Variants in PEX14 observed in about 807,000 individuals in gnomAD.
The protein encoded by PEX14 is peroxisomal biogenesis factor 14.
PEX14 carries 15 observed loss-of-function variants against 49.5 expected under a neutral mutation model. The ratio of observed to expected loss-of-function variants is 0.30; its 90% CI spans 0.20 to 0.47. PEX14 has a LOEUF of 0.47. PEX14 is among the 20% of genes least tolerant of loss of function. The pLI is 1.00. For synonymous variants in PEX14, 210 were observed against 212.7 expected, an observed-to-expected ratio of 0.99 and a Z score of 0.11; for missense variants, 398 against 494.8, an observed-to-expected ratio of 0.80 and a Z score of 1.86.
chr1:10,513,779 G>A (rs780313760), intron 2 of PEX14, among the ~76,000 whole-genome samples: 3 of 152,276 alleles, frequency 2.0e-5, no homozygotes, highest in South Asian at 2.1e-4. Context: ...CTATAGGGAC[G>A]TTTCTATTTT....
intron 3 of PEX14, among the ~76,000 whole-genome samples, chr1:10,545,283 A>G (rs1339907060): frequency 6.6e-6 from 1 of 152,228 alleles, no homozygotes; most frequent in Non-Finnish European, 1.5e-5. Flanking sequence ...TATTAAAAAT[A>G]AAGGTGCTGT....
intron 3 of PEX14, among the ~76,000 whole-genome samples, chr1:10,594,616 G>A (rs1442118489): frequency 6.6e-6 from 1 of 152,212 alleles, no homozygotes; most frequent in Non-Finnish European, 1.5e-5. Context: ...GAAAGATGAA[G>A]AGAACACTGC....
chr1:10,612,701 G>A (rs144327750), intron 4 of PEX14, among the ~76,000 whole-genome samples: 4 of 152,342 alleles, frequency 2.6e-5, no homozygotes, highest in African/African-American at 9.6e-5. Context: ...GCCCAGCCAG[G>A]TCCCCGTCTC....
At position 10,599,458 on chromosome 1, in the gene PEX14, A is replaced by T. The variant is rs34711287; in HGVS notation, c.298+92A>T. On this transcript the variant is annotated intron_variant, in intron 4 of 8. Coordinates refer to ENST00000356607, the MANE Select transcript of PEX14 (RefSeq NM_004565.3). ...GTTCTGTATCTCCCAGACTTAGCAAACCAGGAGAAACTGGGAGCAGCAGAA... is the reference window on the plus strand; with the variant it reads ...GTTCTGTATCTCCCAGACTTAGCAATCCAGGAGAAACTGGGAGCAGCAGAA... 7.6e-3 allele frequency: 10,840 copies of T among 1,426,876 alleles called. 61 individuals carry two copies. Among genetic ancestry groups the T allele is most frequent in the Non-Finnish European group, 8.2e-3 (8,327 of 1,011,436 alleles). 88.4% of individuals were successfully genotyped at this position (1,426,876 alleles called of 1,614,324 possible). A position where few individuals can be genotyped will look rare whatever the true frequency, so the allele number is the denominator to read the frequency against.
In PEX14 at chr1:10,622,010, A is replaced by G. The variant is rs1294814984; in HGVS notation, c.385-1009A>G. Among the ~76,000 whole-genome samples the G allele has an allele frequency of 2.0e-5, 3 of 152,138 alleles. No individual in the cohort carries two copies. In the East Asian group the frequency reaches 5.8e-4, roughly 29 times the overall value. ...TCTGGCAGTGCCCACTGAAGGGGGC[A>G]GCGGGTCTCACTCCTCACCTGGGGG... On this transcript the variant is annotated intron_variant, in intron 5 of 8. Transcript: ENST00000356607.
intron 3 of PEX14, among the ~76,000 whole-genome samples, chr1:10,555,131 C>T (rs1053588599): frequency 6.6e-5 from 10 of 152,086 alleles, no homozygotes; most frequent in African/African-American, 2.4e-4. Context: ...ACCCTACCCC[C>T]CAATAACACA....
intron 2 of PEX14, among the ~76,000 whole-genome samples, chr1:10,531,673 T>C (rs1638655194): frequency 6.6e-6 from 1 of 152,278 alleles, no homozygotes; most frequent in Admixed American, 6.5e-5. Flanking sequence ...TTTGAATATT[T>C]TTAATATTTT....
At chr1:10,538,337 C>T (rs1314767781) in intron 3 of PEX14, among the ~76,000 whole-genome samples, 2 of 152,148 alleles carry the variant, frequency 1.3e-5, no homozygotes, top group African/African-American at 4.8e-5. Flanking sequence ...TCCTTCTTGA[C>T]CCCTAATTTG....
chr1:10,608,674 G>A lies in PEX14; in HGVS notation c.298+9308G>A, dbSNP rs117254891. 4.8e-3 allele frequency among the ~76,000 whole-genome samples: 684 copies of A among 142,154 alleles called. 1 individual carries two copies. The highest frequency in any genetic ancestry group is 6.5e-3 in the African/African-American group (248 of 38,118). The allele number at this position is 142,154 out of a possible 152,430, so 93.3% of individuals were successfully genotyped here. A position where few individuals can be genotyped will look rare whatever the true frequency, so the allele number is the denominator to read the frequency against. ...CGAGACTCCGTCTCAAAAAAAAAAA[G>A]AAAAAAAAAAAATCAACTGACTATA... is the stretch of plus-strand genomic sequence containing the variant. On this transcript the variant is annotated intron_variant, in intron 4 of 8. Coordinates refer to ENST00000356607, the MANE Select transcript of PEX14 (RefSeq NM_004565.3).
intron 3 of PEX14, among the ~76,000 whole-genome samples, chr1:10,547,573 G>A (rs1258170669): frequency 6.6e-6 from 1 of 152,050 alleles, no homozygotes; most frequent in Non-Finnish European, 1.5e-5. Context: ...CATACCTTTG[G>A]TAAAGTTTAA....
rs572064737 is a variant in PEX14, at chr1:10,628,764, C to T, written c.678-767C>T. Among the ~76,000 whole-genome samples the T allele has an allele frequency of 6.6e-6, 1 of 152,174 alleles. No homozygotes were observed. The highest frequency in any genetic ancestry group is 2.1e-4 in the South Asian group (1 of 4,834). On this transcript the variant is annotated intron_variant, in intron 8 of 8. Transcript: ENST00000356607. The surrounding 1 kb of genome is among the most constrained non-coding windows in gnomAD (Gnocchi z 4.5). ...GTGGTGGGAGAGTTGTGTCTAAGGC[C>T]CCTGCTGGGGGACAGCCCTGCGGGC...
intron 2 of PEX14, among the ~76,000 whole-genome samples, chr1:10,496,992 AC>A (rs748755174): frequency 6.6e-6 from 1 of 151,686 alleles, no homozygotes; most frequent in Admixed American, 6.6e-5. Context: ...AATTAAAAAA[AC>A]CCCCGAAATA....
intron 2 of PEX14, among the ~76,000 whole-genome samples, chr1:10,510,844 T>C (rs1466442237): frequency 6.6e-6 from 1 of 152,212 alleles, no homozygotes; most frequent in Non-Finnish European, 1.5e-5. Context: ...CATATGCCGA[T>C]GTTCAGTGGA....
intron 3 of PEX14, among the ~76,000 whole-genome samples, chr1:10,571,989 AAC>A: frequency 6.6e-6 from 1 of 152,268 alleles, no homozygotes; most frequent in East Asian, 1.9e-4. Context: ...GAAAAATGGA[AAC>A]AGAACACGGA....
chr1:10,532,202 C>G lies in PEX14; in HGVS notation c.85-4011C>G, dbSNP rs139987359. Among the ~76,000 whole-genome samples, 420 of 152,280 alleles carry G rather than the reference C, an allele frequency of 2.8e-3. 5 individuals carry two copies. Among genetic ancestry groups the G allele is most frequent in the Non-Finnish European group, 2.2e-3 (152 of 68,030 alleles). ...CTTTTTTCCAAGTTGCTGACAGTGA[C>G]TCCAGTGACTCCGGTGTAACCATTG... On this transcript the variant is annotated intron_variant, in intron 2 of 8. Coordinates refer to ENST00000356607, the MANE Select transcript of PEX14 (RefSeq NM_004565.3).
chr1:10,521,298 A>C (rs1294080271), intron 2 of PEX14, among the ~76,000 whole-genome samples: 1 of 151,908 alleles, frequency 6.6e-6, no homozygotes, highest in Non-Finnish European at 1.5e-5. Context: ...TCCCTAATAA[A>C]ATATCCTTAT....
At chr1:10,585,612 A>G (rs1190786223) in intron 3 of PEX14, among the ~76,000 whole-genome samples, 6 of 152,242 alleles carry the variant, frequency 3.9e-5, no homozygotes, top group Non-Finnish European at 7.3e-5. Flanking sequence ...ATACCAGACA[A>G]GGTGGTCTTA....
intron 3 of PEX14, among the ~76,000 whole-genome samples, chr1:10,587,325 CACTCCTGTAATCCCAGCT>C (rs1427404730): frequency 5.9e-5 from 9 of 151,952 alleles, no homozygotes; most frequent in Admixed American, 2.0e-4. Flanking sequence ...GCTGGTGGCA[CACTCCTGTAATCCCAGCT>C]TCTCGGTAGG....
chr1:10,589,659 C>T (rs1336245115), intron 3 of PEX14, among the ~76,000 whole-genome samples: 6 of 152,244 alleles, frequency 3.9e-5, no homozygotes, highest in African/African-American at 9.6e-5. Flanking sequence ...GCAGTCTGCC[C>T]GCCTTGGCCT....
Sources: gnomAD v4.1 joint callset for allele counts (sites outside exome capture counted in the v4.1 genomes callset) on GRCh38, gnomAD v4.1.1 for gene constraint, Gnocchi (gnomAD v3.1) non-coding constraint, MANE v1.5 for transcripts, NCBI Gene and HGNC (gene_info 2026-07-23, HGNC 2026-07-21) for gene names.